Variants in ZNF469 observed in about 807,000 individuals in gnomAD.
ZNF469 encodes the protein zinc finger protein 469.
ZNF469 carries 1 observed loss-of-function variant against 1.0 expected under a neutral mutation model. The ratio of observed to expected loss-of-function variants is 1.00; its 90% CI spans 0.35 to 4.73. The LOEUF (loss-of-function observed/expected upper bound fraction) is 4.73, where lower values mean the gene tolerates loss of function less well. Ranked by LOEUF, ZNF469 falls within the 30% of genes most tolerant of loss-of-function variation. ZNF469 has a pLI of 0.16. For synonymous variants in ZNF469, 2,703 were observed against 2,363.4 expected, an observed-to-expected ratio of 1.14 and a Z score of -4.17; for missense variants, 6,100 against 5,356.3, an observed-to-expected ratio of 1.14 and a Z score of -4.33.
At chr16:88,421,635 C>T (rs1286311290) in intron 1 of ZNF469, among the ~76,000 whole-genome samples, 2 of 152,210 alleles carry the variant, frequency 1.3e-5, no homozygotes, top group African/African-American at 4.8e-5. Context: ...CAAGTTCTGC[C>T]CGCAAGCTGG....
the ZNF469 span, among the ~76,000 whole-genome samples, chr16:88,342,102 C>G: frequency 6.6e-6 from 1 of 151,960 alleles, no homozygotes; most frequent in Non-Finnish European, 1.5e-5. Context: ...CGAAGAAGGC[C>G]GGTGGGAGAG....
the ZNF469 span, among the ~76,000 whole-genome samples, chr16:88,253,730 G>C: frequency 3.3e-5 from 5 of 151,950 alleles, no homozygotes; most frequent in East Asian, 9.6e-4. Context: ...GTAGAGACAG[G>C]GTTTCACCAT....
chr16:88,347,409 C>G, the ZNF469 span, among the ~76,000 whole-genome samples: 2 of 152,110 alleles, frequency 1.3e-5, no homozygotes, highest in African/African-American at 4.8e-5. Flanking sequence ...CACTGAGCCG[C>G]GGGCACACCC....
the ZNF469 span, among the ~76,000 whole-genome samples, chr16:88,242,248 C>T: frequency 6.6e-4 from 100 of 152,334 alleles, 2 homozygotes; most frequent in Middle Eastern, 6.8e-3. Flanking sequence ...GCTTCTCATC[C>T]GTCTCACCCT....
chr16:88,439,249 G>A lies in ZNF469; in HGVS notation c.11779G>A (p.Ala3927Thr), dbSNP rs1179382652. Residue 3927 changes from alanine (A) to threonine (T), a missense_variant, in exon 3 of 3, where the codon GCC (alanine) becomes ACC (threonine). Coordinates refer to ENST00000565624, the MANE Select transcript of ZNF469 (RefSeq NM_001367624.2). ...GCCACACACCCACCGGACGGCCGAG[G>A]CCCAGAGTGACCTCCTCAGCCAGCT... ...AEPHTHRTAE[A>T]QSDLLSQLFG... 3.9e-6 allele frequency: 6 copies of A among 1,550,504 alleles called. No individual in the cohort carries two copies. The highest frequency in any genetic ancestry group is 1.2e-5 in the South Asian group (1 of 84,064).
the ZNF469 span, among the ~76,000 whole-genome samples, chr16:88,305,925 C>T: frequency 6.6e-6 from 1 of 152,176 alleles, no homozygotes; most frequent in Non-Finnish European, 1.5e-5. Context: ...TTCTCATGCA[C>T]TCACACACTG....
At chr16:88,159,235 C>T in the ZNF469 span, among the ~76,000 whole-genome samples, 1 of 131,340 alleles carries the variant, frequency 7.6e-6, no homozygotes, top group South Asian at 2.5e-4. Flanking sequence ...CCTGCAGCGT[C>T]TGTCTGTGTG....
At chr16:88,167,053 C>CTTTTTTT in the ZNF469 span, among the ~76,000 whole-genome samples, 45 of 82,650 alleles carry the variant, frequency 5.4e-4, 2 homozygotes, top group South Asian at 1.1e-3. Flanking sequence ...CAGGCTTATT[C>CTTTTTTT]TTTTTTTTTT....
the ZNF469 span, among the ~76,000 whole-genome samples, chr16:88,212,391 A>G: frequency 5.3e-5 from 8 of 150,542 alleles, no homozygotes; most frequent in Non-Finnish European, 1.2e-4. Flanking sequence ...TATCTTTGAC[A>G]CTCTTTCTTT....
chr16:88,380,494 CAT>C (rs796124758), upstream of ZNF469, among the ~76,000 whole-genome samples: 33,190 of 130,064 alleles, frequency 0.26, 7,084 homozygotes, highest in African/African-American at 0.56. Context: ...TGCACACACA[CAT>C]GCACTCACAC....
the ZNF469 span, among the ~76,000 whole-genome samples, chr16:88,171,889 T>G: frequency 6.6e-6 from 1 of 152,228 alleles, no homozygotes; most frequent in East Asian, 1.9e-4. Flanking sequence ...TGGTTCTGAC[T>G]AATACGGGGT....
chr16:88,221,479 G>C, the ZNF469 span, among the ~76,000 whole-genome samples: 27 of 152,194 alleles, frequency 1.8e-4, no homozygotes, highest in African/African-American at 6.5e-4. Context: ...CCTTGTAGAC[G>C]AGCAAGAATG....
chr16:88,322,247 A>C, the ZNF469 span, among the ~76,000 whole-genome samples: 5 of 152,214 alleles, frequency 3.3e-5, no homozygotes, highest in African/African-American at 1.2e-4. Flanking sequence ...TGCCCCACAC[A>C]GTCCCCAGGA....
the ZNF469 span, among the ~76,000 whole-genome samples, chr16:88,296,785 GCT>G: frequency 4.6e-5 from 7 of 152,040 alleles, no homozygotes; most frequent in South Asian, 2.1e-4. Context: ...ATGCACACAT[GCT>G]CTCACACACA....
chr16:88,404,668 A>G (rs75061690), intron 1 of ZNF469, among the ~76,000 whole-genome samples: 10,584 of 152,228 alleles, frequency 0.07, 465 homozygotes, highest in African/African-American at 0.13. Flanking sequence ...TGGTGGGGGC[A>G]GGCACAGAGG....
the ZNF469 span, among the ~76,000 whole-genome samples, chr16:88,372,252 C>T: frequency 9.2e-5 from 14 of 152,176 alleles, no homozygotes; most frequent in African/African-American, 2.9e-4. Flanking sequence ...TCACCATCAT[C>T]CCCATCATCG....
chr16:88,259,983 G>GT, the ZNF469 span, among the ~76,000 whole-genome samples: 3 of 151,026 alleles, frequency 2.0e-5, no homozygotes, highest in Non-Finnish European at 4.4e-5. The surrounding 1 kb of genome is among the most constrained non-coding windows in gnomAD (Gnocchi z 4.1). Flanking sequence ...TTGTTTTTTT[G>GT]TTTTTTTGTT....
chr16:88,227,710 A>G, the ZNF469 span, among the ~76,000 whole-genome samples: 1 of 151,986 alleles, frequency 6.6e-6, no homozygotes, highest in Non-Finnish European at 1.5e-5. Context: ...GTCCCCAACA[A>G]TGATGGAGAC....
At chr16:88,114,173 C>CT in the ZNF469 span, among the ~76,000 whole-genome samples, 1 of 151,208 alleles carries the variant, frequency 6.6e-6, no homozygotes, top group African/African-American at 2.4e-5. Flanking sequence ...CTGCGGGGGT[C>CT]TCGGGGGAGA....
Sources: allele counts gnomAD v4.1 joint callset (sites outside exome capture counted in the v4.1 genomes callset), GRCh38; gene constraint gnomAD v4.1.1; non-coding constraint Gnocchi (gnomAD v3.1); transcripts MANE v1.5; gene names NCBI Gene and HGNC (gene_info 2026-07-23, HGNC 2026-07-21).